The following POU1F1 variants were observed in gnomAD, a reference collection of about 807,000 sequenced individuals.
POU1F1 encodes pituitary-specific positive transcription factor 1.
POU1F1 carries 23 observed loss-of-function variants against 32.3 expected under a neutral mutation model. The observed-to-expected ratio is 0.71, with a 90% confidence interval of 0.51 to 1.01. The LOEUF (loss-of-function observed/expected upper bound fraction) is 1.01, where lower values mean the gene tolerates loss of function less well. POU1F1 is among the 50% of genes least tolerant of loss of function. The pLI is 0.00. For synonymous variants in POU1F1, 120 were observed against 115.6 expected (o/e 1.04, Z -0.25); for missense variants, 323 against 341.6 (o/e 0.95, Z 0.43).
chr3:87,262,813 C>CT (rs1394087539), intron 3 of POU1F1, among the ~76,000 whole-genome samples: 10 of 152,084 alleles, frequency 6.6e-5, no homozygotes, highest in Non-Finnish European at 1.5e-4. Context: ...GATAATGCCT[C>CT]TGTCTTCAGA....
chr3:87,259,754 T>TTA lies in POU1F1; in HGVS notation c.*139_*140insTA, dbSNP rs1301058822. On this transcript the variant is annotated 3_prime_UTR_variant, in exon 6 of 6. Transcript: ENST00000350375. ...ATTTAAATTGTTGGTTTCTTTTTTT[T>TTA]AAAAAAAAGTGGAAAAGTAAAGCTT... 1.4e-5 allele frequency: 9 copies of TTA among 654,076 alleles called. No homozygotes were observed. Among genetic ancestry groups the TTA allele is most frequent in the Non-Finnish European group, 2.3e-5 (9 of 384,756 alleles). The allele number at this position is 654,076 out of a possible 1,614,324, so 40.5% of individuals were successfully genotyped here. A position where few individuals can be genotyped will look rare whatever the true frequency, so the allele number is the denominator to read the frequency against.
At chr3:87,261,114 T>A (rs963104287) in intron 5 of POU1F1, among the ~76,000 whole-genome samples, 159 bp downstream of exon 5, 47 of 152,120 alleles carry the variant, frequency 3.1e-4, no homozygotes, top group African/African-American at 1.0e-3. Flanking sequence ...TTTCACCATG[T>A]TGGCCAGACT....
chr3:87,261,409 A>C, intron 4 of POU1F1, 76 bp from the exon 5 acceptor site: 2 of 1,154,236 alleles, frequency 1.7e-6, no homozygotes. Flanking sequence ...TTGGATTTCA[A>C]ATTTTCTTCA....
At chr3:87,268,019 G>A (rs1391433818) in intron 2 of POU1F1, among the ~76,000 whole-genome samples, 2 of 150,968 alleles carry the variant, frequency 1.3e-5, no homozygotes, top group African/African-American at 4.9e-5. Flanking sequence ...ATGCTCCAAG[G>A]TTTGGCATCC....
intron 2 of POU1F1, among the ~76,000 whole-genome samples, chr3:87,266,483 A>C (rs1045203393): frequency 6.6e-6 from 1 of 151,046 alleles, no homozygotes; most frequent in Admixed American, 6.6e-5. Flanking sequence ...ACAAATTAGC[A>C]TAACATAAAT....
chr3:87,273,487 A>T, intron 1 of POU1F1, 69 bp from the exon 2 acceptor site: 1 of 1,604,374 alleles, frequency 6.2e-7, no homozygotes. Context: ...CAAAGACAAA[A>T]TAGATGGGAC....
intron 2 of POU1F1, among the ~76,000 whole-genome samples, chr3:87,272,623 A>T (rs1361375112): frequency 6.6e-6 from 1 of 152,208 alleles, no homozygotes; most frequent in Non-Finnish European, 1.5e-5. Flanking sequence ...TTATAGAAGG[A>T]TCAATAAGCA....
At chr3:87,260,194 A>T in intron 5 of POU1F1, 90 bp from the exon 6 acceptor site, 1 of 980,216 alleles carries the variant, frequency 1.0e-6, no homozygotes, top group Non-Finnish European at 1.6e-6. Flanking sequence ...AATTTCCTCA[A>T]TATTAACATG....
chr3:87,266,630 G>A (rs1706626795), intron 2 of POU1F1, among the ~76,000 whole-genome samples: 1 of 151,502 alleles, frequency 6.6e-6, no homozygotes, highest in Non-Finnish European at 1.5e-5. Context: ...ATGCTTTATT[G>A]TGTGGCATCT....
intron 4 of POU1F1, 24 bp from the exon 5 acceptor site, chr3:87,261,357 A>T (rs1559614357): frequency 6.5e-7 from 1 of 1,531,826 alleles, no homozygotes; most frequent in Non-Finnish European, 9.0e-7. Flanking sequence ...AAGAGAGATA[A>T]TTACAAACAC....
intron 2 of POU1F1, among the ~76,000 whole-genome samples, chr3:87,269,155 T>C (rs1706679676): frequency 1.3e-5 from 2 of 152,282 alleles, no homozygotes; most frequent in South Asian, 4.1e-4. Flanking sequence ...CAAAGGAAAT[T>C]ATAAACTTCC....
chr3:87,265,556 A>G lies in POU1F1; in HGVS notation c.215-1044T>C, dbSNP rs145766508. On this transcript the variant is annotated intron_variant, in intron 2 of 5. Transcript: ENST00000350375. ...ATCGACAAAGATTCTACTTCAATTT[A>G]TATTAAATGACATGTCTAGTGTGCC... 5.1e-3 allele frequency among the ~76,000 whole-genome samples: 782 copies of G among 152,150 alleles called. 7 individuals carry two copies. Among genetic ancestry groups the G allele is most frequent in the Admixed American group, 7.6e-3 (116 of 15,256 alleles).
At chr3:87,269,404 A>C (rs1706684329) in intron 2 of POU1F1, among the ~76,000 whole-genome samples, 1 of 152,132 alleles carries the variant, frequency 6.6e-6, no homozygotes, top group African/African-American at 2.4e-5. Context: ...GGAAGTGAAA[A>C]TACATCATGT....
intron 1 of POU1F1, among the ~76,000 whole-genome samples, chr3:87,273,729 G>T (rs900658785): frequency 3.9e-5 from 6 of 152,134 alleles, no homozygotes; most frequent in African/African-American, 1.2e-4. Flanking sequence ...CGAGTGCCCC[G>T]TGAAGGGGTG....
chr3:87,260,313 C>G (rs1348029323), intron 5 of POU1F1, among the ~76,000 whole-genome samples: 1 of 152,132 alleles, frequency 6.6e-6, no homozygotes, highest in Non-Finnish European at 1.5e-5. Flanking sequence ...TAGAGTTACA[C>G]GAGAGTCACG....
At chr3:87,267,820 G>A (rs993140115) in intron 2 of POU1F1, among the ~76,000 whole-genome samples, 3 of 151,946 alleles carry the variant, frequency 2.0e-5, no homozygotes, top group Admixed American at 6.6e-5. Flanking sequence ...TGCCCAGGCT[G>A]GTCTCAAAAC....
intron 1 of POU1F1, among the ~76,000 whole-genome samples, chr3:87,273,687 C>T (rs1042046598): frequency 1.3e-5 from 2 of 152,136 alleles, no homozygotes; most frequent in African/African-American, 4.8e-5. Context: ...AAACGGACTT[C>T]ATTAATTATC....
At position 87,261,347 on chromosome 3, in the gene POU1F1, AAG is replaced by A. The variant is rs747045488; in HGVS notation, c.605-16_605-15del. Reference sequence around the variant, plus strand: ...CATTGTACAAAGCTATAATGTGGAAAAGAGAGATAATTACAAACACAAAGTAG... The same window carrying A: ...CATTGTACAAAGCTATAATGTGGAAAAGAGATAATTACAAACACAAAGTAG... On this transcript the variant is annotated splice_polypyrimidine_tract_variant and intron_variant, in intron 4 of 5. Transcript: ENST00000350375. 15 of 1,570,590 alleles carry A rather than the reference AAG, an allele frequency of 9.6e-6. No individual in the cohort carries two copies. The highest frequency in any genetic ancestry group is 1.3e-5 in the Non-Finnish European group (15 of 1,146,930).
chr3:87,268,561 G>T (rs1706670019), intron 2 of POU1F1, among the ~76,000 whole-genome samples: 1 of 152,150 alleles, frequency 6.6e-6, no homozygotes, highest in Non-Finnish European at 1.5e-5. Context: ...TTGGGGGAGT[G>T]TGGAGAGTGA....
Sources: gnomAD v4.1 joint callset for allele counts (sites outside exome capture counted in the v4.1 genomes callset) on GRCh38, gnomAD v4.1.1 for gene constraint, MANE v1.5 for transcripts, NCBI Gene and HGNC (gene_info 2026-07-23, HGNC 2026-07-21) for gene names.